The following SLCO5A1 variants were observed in gnomAD, a reference collection of about 807,000 sequenced individuals.
The protein encoded by SLCO5A1 is solute carrier organic anion transporter family member 5A1.
A neutral mutation model predicts 65.1 loss-of-function variants in SLCO5A1; 39 were observed. That is an observed-to-expected ratio of 0.60 (90% CI 0.46 to 0.78). The LOEUF is 0.78. SLCO5A1 is among the 30% of genes least tolerant of loss of function. The probability of loss-of-function intolerance (pLI) is 0.00; values close to 1 mark genes in which losing one functional copy is unlikely to be tolerated. For missense variants in SLCO5A1, 1,029 were observed against 1,069.4 expected, an observed-to-expected ratio of 0.96 and a Z score of 0.53; for synonymous variants, 438 against 415.7, an observed-to-expected ratio of 1.05 and a Z score of -0.65.
intron 2 of SLCO5A1, among the ~76,000 whole-genome samples, chr8:69,798,515 G>T (rs1365944186): frequency 6.6e-6 from 1 of 152,126 alleles, no homozygotes. Context: ...GGGAAGAGGT[G>T]CTACACACTT....
intron 4 of SLCO5A1, among the ~76,000 whole-genome samples, chr8:69,755,205 A>G (rs1817488149): frequency 6.6e-6 from 1 of 152,178 alleles, no homozygotes; most frequent in South Asian, 2.1e-4. Flanking sequence ...TTAATTTTTA[A>G]ATAACATACA....
chr8:69,697,935 G>A (rs565659800), intron 6 of SLCO5A1, among the ~76,000 whole-genome samples: 59 of 151,074 alleles, frequency 3.9e-4, no homozygotes, highest in African/African-American at 1.1e-3. Flanking sequence ...TGTGTTAAGC[G>A]GGTTTGGTGG....
intron 2 of SLCO5A1, among the ~76,000 whole-genome samples, chr8:69,774,963 C>T (rs1586786064): frequency 6.6e-6 from 1 of 152,228 alleles, no homozygotes; most frequent in Non-Finnish European, 1.5e-5. Context: ...TCATTCCTTC[C>T]ACTCACAAGC....
chr8:69,735,133 C>A (rs1236771989), intron 5 of SLCO5A1, among the ~76,000 whole-genome samples: 1 of 152,128 alleles, frequency 6.6e-6, no homozygotes, highest in African/African-American at 2.4e-5. Context: ...CCATCTCATG[C>A]CAGTCAGGAT....
Position 69,831,822 on chromosome 8 carries a change from C to A in SLCO5A1, c.852G>T (p.Leu284=). The A allele has an allele frequency of 6.2e-7, 1 of 1,614,112 alleles. No homozygotes were observed. Among genetic ancestry groups the A allele is most frequent in the Non-Finnish European group, 8.5e-7 (1 of 1,180,036 alleles). Residue 284 remains leucine (L), a synonymous_variant, in exon 2 of 10, where the codon CTG becomes CTT. Coordinates refer to ENST00000260126, the MANE Select transcript of SLCO5A1 (RefSeq NM_030958.3). ...IGMGSTPIYT[L]GPTYLDDNVK... is the part of the protein sequence containing the mutation. ...CATTGTCATCTAAGTAGGTTGGTCC[C>A]AGGGTATAAATAGGTGTGGAGCCCA...
chr8:69,704,956 C>T (rs757934431), intron 6 of SLCO5A1, 75 bp downstream of exon 6: 1 of 1,383,786 alleles, frequency 7.2e-7, no homozygotes, highest in Non-Finnish European at 1.0e-6. Flanking sequence ...ATGAGGCTGA[C>T]TGCAGATGCA....
chr8:69,675,654 C>T (rs1388542060), intron 9 of SLCO5A1, among the ~76,000 whole-genome samples: 1 of 152,150 alleles, frequency 6.6e-6, no homozygotes, highest in Non-Finnish European at 1.5e-5. Context: ...TGGACTGGGC[C>T]ATCAACCACA....
chr8:69,676,578 A>G (rs769594130), intron 9 of SLCO5A1, 31 bp downstream of exon 9: 42 of 1,600,772 alleles, frequency 2.6e-5, no homozygotes, highest in Non-Finnish European at 3.3e-5. Flanking sequence ...AAGAGGAACT[A>G]AGAGGTACAC....
At chr8:69,812,572 C>T (rs1820251896) in intron 2 of SLCO5A1, among the ~76,000 whole-genome samples, 1 of 152,136 alleles carries the variant, frequency 6.6e-6, no homozygotes, top group South Asian at 2.1e-4. Flanking sequence ...CACGTGAGGG[C>T]CCTGCAGACC....
chr8:69,759,184 T>C (rs1333217182), intron 3 of SLCO5A1, among the ~76,000 whole-genome samples: 15 of 152,210 alleles, frequency 9.9e-5, no homozygotes, highest in Admixed American at 9.8e-4. Flanking sequence ...TGAAAACTTA[T>C]CACTGCTGCT....
rs866654237 is a variant in SLCO5A1 at position 69,802,268 on chromosome 8, C to T, written c.907+29499G>A. Among the ~76,000 whole-genome samples the T allele has an allele frequency of 3.2e-4, 49 of 151,992 alleles. 2 individuals carry two copies. Among genetic ancestry groups the T allele is most frequent in the Middle Eastern group, 3.4e-3 (1 of 294 alleles). ...CTGTAATCCCAGCACTTTGGGAGGC[C>T]GAGGTGGGAGGATCGCTTGAGTCCA... On this transcript the variant is annotated intron_variant, in intron 2 of 9. Transcript: ENST00000260126.
Position 69,697,806 on chromosome 8 carries a change from G to A in SLCO5A1, c.1622+7225C>T, listed in dbSNP as rs560755504. On this transcript the variant is annotated intron_variant, in intron 6 of 9. Coordinates refer to ENST00000260126, the MANE Select transcript of SLCO5A1 (RefSeq NM_030958.3). ...CATGCTAGATGACAAATAAAGCAAT[G>A]GTTTCCAAGTCCCCAGAAAGATAAT... 2.0e-5 allele frequency among the ~76,000 whole-genome samples: 3 copies of A among 152,196 alleles called. No individual in the cohort carries two copies. The South Asian group carries it at 6.2e-4, about 32-fold the overall frequency.
chr8:69,725,513 C>A (rs1478022963), intron 5 of SLCO5A1, among the ~76,000 whole-genome samples: 4 of 150,964 alleles, frequency 2.6e-5, no homozygotes, highest in South Asian at 2.1e-4. Flanking sequence ...GAAATTTTAA[C>A]TGCCAGGAAA....
chr8:69,708,833 A>T lies in SLCO5A1; in HGVS notation c.1424-3604T>A, dbSNP rs115907588. On this transcript the variant is annotated intron_variant, in intron 5 of 9. Transcript: ENST00000260126. ...GCAGGAGAATTATTGCTTGATCCCA[A>T]AAGGCAGAGGTTGCAGTGAGCTGAG... Among the ~76,000 whole-genome samples the T allele has an allele frequency of 1.2e-3, 186 of 152,198 alleles. 1 individual carries two copies. The highest frequency in any genetic ancestry group is 4.3e-3 in the African/African-American group (180 of 41,520).
rs371704335 is a variant in SLCO5A1, at chr8:69,738,007, T to A, written c.1423+33A>T. ...TTCCATTTCATGGTCAAAATGATCA[T>A]GTTTTCAAGCAGCCCTAGCGGCAGT... On this transcript the variant is annotated intron_variant, in intron 5 of 9. Coordinates refer to ENST00000260126, the MANE Select transcript of SLCO5A1 (RefSeq NM_030958.3). 4 of 1,594,730 alleles carry A rather than the reference T, an allele frequency of 2.5e-6. No homozygotes were observed. In the African/African-American group the frequency reaches 4.0e-5, roughly 16 times the overall value.
At chr8:69,815,406 AGTT>A (rs1454799231) in intron 2 of SLCO5A1, among the ~76,000 whole-genome samples, 1 of 152,118 alleles carries the variant, frequency 6.6e-6, no homozygotes. Context: ...ACCATATCAC[AGTT>A]GTTGGGTTTT....
intron 2 of SLCO5A1, among the ~76,000 whole-genome samples, chr8:69,822,022 A>G (rs544396576): frequency 6.6e-6 from 1 of 152,100 alleles, no homozygotes; most frequent in East Asian, 1.9e-4. Flanking sequence ...GCTACTTGGG[A>G]GGCTGAGGCA....
At chr8:69,710,134 T>G (rs1815170326) in intron 5 of SLCO5A1, among the ~76,000 whole-genome samples, 1 of 148,308 alleles carries the variant, frequency 6.7e-6, no homozygotes, top group Non-Finnish European at 1.5e-5. Context: ...TTCCCCTACC[T>G]CAGCCTCTCA....
chr8:69,775,583 A>G (rs1290882755), intron 2 of SLCO5A1, among the ~76,000 whole-genome samples: 3 of 152,254 alleles, frequency 2.0e-5, no homozygotes, highest in African/African-American at 7.2e-5. Flanking sequence ...CAAATTTTTT[A>G]AAGTATATTT....
Sources: allele counts gnomAD v4.1 joint callset (sites outside exome capture counted in the v4.1 genomes callset), GRCh38; gene constraint gnomAD v4.1.1; transcripts MANE v1.5; gene names NCBI Gene and HGNC (gene_info 2026-07-23, HGNC 2026-07-21).